The following LRRC4C variants were observed in gnomAD, a reference collection of about 807,000 sequenced individuals.
LRRC4C encodes leucine-rich repeat-containing protein 4C.
In LRRC4C, 5 loss-of-function variants were observed where a neutral mutation model predicts 33.6. The observed-to-expected ratio is 0.15, with a 90% CI of 0.08 to 0.31. The LOEUF is 0.31. Ranked by LOEUF, LRRC4C falls within the 10% of genes least tolerant of loss-of-function variation. The pLI is 1.00. For synonymous variants in LRRC4C, 329 were observed against 302.0 expected (o/e 1.09, Z -0.93); for missense variants, 560 against 796.7 (o/e 0.70, Z 3.58).
At chr11:40,546,098 C>CTTCCTTCA (rs1956909024) in intron 3 of LRRC4C, among the ~76,000 whole-genome samples, 1 of 148,028 alleles carries the variant, frequency 6.8e-6, no homozygotes, top group African/African-American at 2.5e-5. Context: ...TCCTTCCTTC[C>CTTCCTTCA]TTCCTTCCTT....
intron 1 of LRRC4C, among the ~76,000 whole-genome samples, chr11:41,240,087 G>C (rs1003418926): frequency 1.3e-5 from 2 of 152,142 alleles, no homozygotes; most frequent in Non-Finnish European, 2.9e-5. Context: ...TCAAAGCTTA[G>C]ACTATGAACT....
At chr11:41,086,716 C>T (rs1940014719) in intron 1 of LRRC4C, among the ~76,000 whole-genome samples, 1 of 152,088 alleles carries the variant, frequency 6.6e-6, no homozygotes, top group African/African-American at 2.4e-5. Context: ...CAGTTCAAAG[C>T]AGCTAAAAAC....
chr11:40,839,920 T>C (rs1421841341), intron 2 of LRRC4C, among the ~76,000 whole-genome samples: 1 of 152,200 alleles, frequency 6.6e-6, no homozygotes, highest in East Asian at 1.9e-4. Flanking sequence ...GACTCTTATA[T>C]AATTGATGGA....
chr11:40,640,027 T>G (rs953972174), intron 3 of LRRC4C, among the ~76,000 whole-genome samples: 2 of 152,152 alleles, frequency 1.3e-5, no homozygotes, highest in South Asian at 4.1e-4. Context: ...TCACTCTGAT[T>G]ATATATTCTC....
intron 3 of LRRC4C, among the ~76,000 whole-genome samples, chr11:40,647,816 C>T (rs960629000): frequency 3.9e-5 from 6 of 152,218 alleles, no homozygotes; most frequent in Non-Finnish European, 8.8e-5. Flanking sequence ...ACTCTTTCAA[C>T]TCCTGGGGTA....
chr11:40,137,829 A>G (rs1293619492), intron 6 of LRRC4C, among the ~76,000 whole-genome samples: 1 of 152,152 alleles, frequency 6.6e-6, no homozygotes, highest in Non-Finnish European at 1.5e-5. Context: ...GAATTGTAAG[A>G]TCATTTTAAA....
In LRRC4C at chr11:41,442,471, T is replaced by TC. The variant is rs57336907; in HGVS notation, c.-496+16959_-496+16960insG. Among the ~76,000 whole-genome samples the TC allele has an allele frequency of 7.9e-4, 96 of 122,128 alleles. 1 individual carries two copies. Among genetic ancestry groups the TC allele is most frequent in the Middle Eastern group, 3.9e-3 (1 of 254 alleles). The allele number at this position is 122,128 out of a possible 152,430, so 80.1% of individuals were successfully genotyped here. ...TGTTGCTTTTTTCTTTTTTTTTTTT[T>TC]TTTTTTTTTTTTTTTTGAGACAGAG... On this transcript the variant is annotated intron_variant, in intron 1 of 6. Transcript: ENST00000528697.
rs574309391 is a variant in LRRC4C, at chr11:40,629,447, ACTCTACCTAATTTTAAGC to A, written c.-270+18677_-270+18694del. Among the ~76,000 whole-genome samples, 8 of 152,216 alleles carry A rather than the reference ACTCTACCTAATTTTAAGC, an allele frequency of 5.3e-5. No homozygotes were observed. In the South Asian group the frequency reaches 1.7e-3, roughly 32 times the overall value. On this transcript the variant is annotated intron_variant, in intron 3 of 6. Transcript: ENST00000528697. ...TCAATTCTAGGTATATCTCACCCTT[ACTCTACCTAATTTTAAGC>A]GTTTGTTTCCCAAACTAAAGCATGT...
chr11:41,123,137 G>C (rs1942530547), intron 1 of LRRC4C: 1 of 152,090 alleles, frequency 6.6e-6, no homozygotes, highest in Non-Finnish European at 1.5e-5. Flanking sequence ...TGGTGAGAGA[G>C]GTCAGGCAGC....
intron 3 of LRRC4C, among the ~76,000 whole-genome samples, chr11:40,412,010 C>A (rs1179086413): frequency 6.6e-6 from 1 of 151,810 alleles, no homozygotes; most frequent in Non-Finnish European, 1.5e-5. Flanking sequence ...TATGAAAATA[C>A]TGATTTTTTC....
At position 40,238,833 on chromosome 11, in the gene LRRC4C, T is replaced by C. The variant is rs149495920; in HGVS notation, c.-96+2686A>G. On this transcript the variant is annotated intron_variant, in intron 5 of 6. Transcript: ENST00000528697. The stretch of plus-strand genomic sequence containing the variant: ...TTTATTTGCTAAGGAGGTATGTTTA[T>C]ATAAAAGGTGATTTTCCCTCCTGCA... Among the ~76,000 whole-genome samples, 167 of 152,246 alleles carry C rather than the reference T, an allele frequency of 1.1e-3. 1 individual carries two copies. Among genetic ancestry groups the C allele is most frequent in the South Asian group, 0.01 (49 of 4,814 alleles).
At chr11:40,399,844 C>A (rs551438023) in intron 3 of LRRC4C, among the ~76,000 whole-genome samples, 41 of 151,932 alleles carry the variant, frequency 2.7e-4, no homozygotes, top group Non-Finnish European at 1.3e-4. Flanking sequence ...CCTGGGGAAA[C>A]GGGGCAGTTT....
chr11:40,468,342 G>A (rs1440707949), intron 3 of LRRC4C, among the ~76,000 whole-genome samples: 1 of 152,106 alleles, frequency 6.6e-6, no homozygotes, highest in Non-Finnish European at 1.5e-5. Context: ...AAGGCAGTCT[G>A]GAGACAGAAT....
In LRRC4C at chr11:40,783,276, T is replaced by C. The variant is rs1950287773; in HGVS notation, c.-406-134998A>G. ...ATTTGGCTAAGTGAGCACTGTTTTA[T>C]TTTATTTTATTTTATTTTATTTTAT... On this transcript the variant is annotated intron_variant, in intron 2 of 6. Transcript: ENST00000528697. 2.7e-5 allele frequency among the ~76,000 whole-genome samples: 3 copies of C among 111,584 alleles called. No individual in the cohort carries two copies. In the South Asian group the frequency reaches 7.0e-4, roughly 26 times the overall value. 73.2% of individuals were successfully genotyped at this position (111,584 alleles called of 152,430 possible).
chr11:40,761,796 G>A (rs1480066605), intron 2 of LRRC4C, among the ~76,000 whole-genome samples: 2 of 152,210 alleles, frequency 1.3e-5, no homozygotes, highest in East Asian at 1.9e-4. Context: ...ACAGTACTGC[G>A]GTTCTGTCTT....
intron 1 of LRRC4C, among the ~76,000 whole-genome samples, chr11:41,408,755 A>AAACAAAAAAAAAAAC (rs1555167137): frequency 6.8e-6 from 1 of 148,014 alleles, no homozygotes; most frequent in African/African-American, 2.7e-5. Flanking sequence ...TGTAAAAAAA[A>AAACAAAAAAAAAAAC]AAAAAAAAAA....
At chr11:41,150,293 A>G (rs1943932351) in intron 1 of LRRC4C, among the ~76,000 whole-genome samples, 1 of 152,234 alleles carries the variant, frequency 6.6e-6, no homozygotes, top group South Asian at 2.1e-4. Context: ...TTCAGCTCCA[A>G]TAGCAAGTTT....
At chr11:41,114,878 G>GTTT (rs1942034604) in intron 1 of LRRC4C, among the ~76,000 whole-genome samples, 1 of 151,972 alleles carries the variant, frequency 6.6e-6, no homozygotes, top group South Asian at 2.1e-4. Context: ...TAGTAAATAA[G>GTTT]TTTTTCAAAA....
In LRRC4C at chr11:40,741,315, A is replaced by G. The variant is rs542954639; in HGVS notation, c.-406-93037T>C. 7.2e-5 allele frequency among the ~76,000 whole-genome samples: 11 copies of G among 152,196 alleles called. No individual in the cohort carries two copies. In the South Asian group the frequency reaches 1.7e-3, roughly 23 times the overall value. On this transcript the variant is annotated intron_variant, in intron 2 of 6. Coordinates refer to ENST00000528697, the MANE Select transcript of LRRC4C (RefSeq NM_001258419.2). Reference sequence around the variant, plus strand: ...TGCCACTCCAACTGAATAAATAGGTAGGGAACATATATGTACCCCCTAGCA... The same window carrying G: ...TGCCACTCCAACTGAATAAATAGGTGGGGAACATATATGTACCCCCTAGCA...
Sources: allele counts gnomAD v4.1 joint callset (sites outside exome capture counted in the v4.1 genomes callset), GRCh38; gene constraint gnomAD v4.1.1; transcripts MANE v1.5; gene names NCBI Gene and HGNC (gene_info 2026-07-23, HGNC 2026-07-21).